Variants in DLGAP2 observed in about 807,000 individuals in gnomAD.
DLGAP2 encodes DLG associated protein 2, also known as disks large-associated protein 2.
A neutral mutation model predicts 100.3 loss-of-function variants in DLGAP2; 26 were observed. The observed-to-expected ratio is 0.26, with a 90% CI of 0.19 to 0.36. The LOEUF is 0.36. Among genes scored for constraint, DLGAP2 ranks in the 10% least tolerant of loss-of-function variants. The probability of loss-of-function intolerance (pLI) is 1.00; values close to 1 mark genes in which losing one functional copy is unlikely to be tolerated. For missense variants in DLGAP2, 1,858 were observed against 1,453.2 expected (o/e 1.28, Z -4.53); for synonymous variants, 886 against 630.1 (o/e 1.41, Z -6.08).
chr8:968,542 G>T (rs138628261), intron 2 of DLGAP2, among the ~76,000 whole-genome samples: 115 of 152,268 alleles, frequency 7.6e-4, no homozygotes, highest in African/African-American at 2.6e-3. Flanking sequence ...TCCCTGTGGG[G>T]CTCCTGTTCC....
chr8:1,610,673 T>A, intron 6 of DLGAP2, among the ~76,000 whole-genome samples: 2 of 127,044 alleles, frequency 1.6e-5, no homozygotes, highest in Non-Finnish European at 1.6e-5. Flanking sequence ...GAGAGAAGAA[T>A]CAAATAGACA....
At chr8:1,476,507 G>A (rs552739590) in intron 3 of DLGAP2, among the ~76,000 whole-genome samples, 28 of 152,190 alleles carry the variant, frequency 1.8e-4, no homozygotes, top group African/African-American at 5.8e-4. Flanking sequence ...ACTGATTTCC[G>A]CTGACACCAG....
chr8:854,077 G>T (rs1161191433), intron 1 of DLGAP2, among the ~76,000 whole-genome samples: 1 of 152,186 alleles, frequency 6.6e-6, no homozygotes, highest in Non-Finnish European at 1.5e-5. Context: ...GCTGTGCCTG[G>T]TTGGTGGACT....
intron 10 of DLGAP2, 25 bp downstream of exon 10, chr8:1,669,809 G>C (rs1428289389): frequency 1.3e-6 from 1 of 780,908 alleles, no homozygotes; most frequent in Non-Finnish European, 2.4e-6. Context: ...GTGCTCCAAA[G>C]CCGCGTCCGC....
chr8:1,385,950 C>T (rs756691139), intron 3 of DLGAP2, among the ~76,000 whole-genome samples: 29 of 152,396 alleles, frequency 1.9e-4, no homozygotes, highest in Non-Finnish European at 2.2e-4. Flanking sequence ...CAGCAGCACC[C>T]ACAGTCCTAA....
At chr8:1,073,883 A>T (rs549391137) in intron 2 of DLGAP2, among the ~76,000 whole-genome samples, 1 of 152,352 alleles carries the variant, frequency 6.6e-6, no homozygotes, top group East Asian at 1.9e-4. Context: ...ATTTACCTTC[A>T]GACTGAGACT....
chr8:1,370,799 T>G (rs1424279026), intron 3 of DLGAP2, among the ~76,000 whole-genome samples: 1 of 152,194 alleles, frequency 6.6e-6, no homozygotes, highest in Non-Finnish European at 1.5e-5. Flanking sequence ...CTGGGGCAAG[T>G]TCCACTCCTC....
At chr8:1,237,243 TTC>T in intron 2 of DLGAP2, among the ~76,000 whole-genome samples, 1 of 139,552 alleles carries the variant, frequency 7.2e-6, no homozygotes, top group South Asian at 2.3e-4. Flanking sequence ...CCGTGTCTAG[TTC>T]TCTCTCACAT....
chr8:1,267,701 C>T (rs1472732089), intron 3 of DLGAP2, among the ~76,000 whole-genome samples: 6 of 152,192 alleles, frequency 3.9e-5, no homozygotes, highest in South Asian at 2.1e-4. Flanking sequence ...CCACGTCCTC[C>T]GTGTCGCTGG....
At chr8:1,434,915 G>A (rs1021852132) in intron 3 of DLGAP2, among the ~76,000 whole-genome samples, 12 of 152,114 alleles carry the variant, frequency 7.9e-5, no homozygotes, top group African/African-American at 2.9e-4. Context: ...TTTGATGCAG[G>A]AATGGGCGTG....
intron 2 of DLGAP2, among the ~76,000 whole-genome samples, chr8:1,170,532 A>G (rs9874280): frequency 6.6e-6 from 1 of 150,384 alleles, no homozygotes; most frequent in African/African-American, 2.5e-5. Flanking sequence ...TTTGGTTGGT[A>G]AGCTATTGAT....
intron 2 of DLGAP2, among the ~76,000 whole-genome samples, chr8:1,204,031 T>G (rs1797938264): frequency 6.6e-6 from 1 of 152,258 alleles, no homozygotes; most frequent in Non-Finnish European, 1.5e-5. Context: ...AACTTCAATG[T>G]GCTTACGAAC....
chr8:1,160,742 C>T (rs1015244788), intron 2 of DLGAP2, among the ~76,000 whole-genome samples: 6 of 152,344 alleles, frequency 3.9e-5, no homozygotes, highest in South Asian at 4.1e-4. Context: ...AAAGCCACCC[C>T]GAGCCTGGCT....
At chr8:1,408,119 C>T (rs191911056) in intron 3 of DLGAP2, among the ~76,000 whole-genome samples, 1 of 152,368 alleles carries the variant, frequency 6.6e-6, no homozygotes, top group African/African-American at 2.4e-5. Context: ...TCACTGAGAT[C>T]AAGGCAAGCC....
At chr8:1,424,613 A>G (rs568600937) in intron 3 of DLGAP2, among the ~76,000 whole-genome samples, 16 of 152,194 alleles carry the variant, frequency 1.1e-4, no homozygotes, top group Non-Finnish European at 2.4e-4. Flanking sequence ...TGGCACTTGG[A>G]GGAGTCAGAT....
chr8:1,504,072 T>A (rs141341608), intron 4 of DLGAP2, among the ~76,000 whole-genome samples: 12 of 152,040 alleles, frequency 7.9e-5, no homozygotes, highest in African/African-American at 2.9e-4. Flanking sequence ...AAATATTAGG[T>A]CTTGACCCTG....
chr8:1,139,804 C>A (rs1796489947), intron 2 of DLGAP2, among the ~76,000 whole-genome samples: 1 of 152,072 alleles, frequency 6.6e-6, no homozygotes, highest in South Asian at 2.1e-4. Context: ...GCTCTCTCAG[C>A]ACCGTAAGTG....
At chr8:747,492 G>A (rs961312349) in intron 1 of DLGAP2, among the ~76,000 whole-genome samples, 38 of 148,276 alleles carry the variant, frequency 2.6e-4, no homozygotes, top group South Asian at 2.4e-3. Flanking sequence ...CGTTCCAGCC[G>A]AGGGGAACGC....
chr8:916,030 T>C (rs1798585857), intron 2 of DLGAP2, among the ~76,000 whole-genome samples: 1 of 150,856 alleles, frequency 6.6e-6, no homozygotes, highest in Non-Finnish European at 1.5e-5. Flanking sequence ...CTCCTCATTG[T>C]AGACTCTCTG....
Sources: gnomAD v4.1 joint callset for allele counts (sites outside exome capture counted in the v4.1 genomes callset) on GRCh38, gnomAD v4.1.1 for gene constraint, MANE v1.5 for transcripts, NCBI Gene and HGNC (gene_info 2026-07-23, HGNC 2026-07-21) for gene names.